The following CDH13 variants were observed in gnomAD, a reference collection of about 807,000 sequenced individuals.
The protein encoded by CDH13 is cadherin-13.
A neutral mutation model predicts 63.8 loss-of-function variants in CDH13; 24 were observed. The ratio of observed to expected loss-of-function variants is 0.38; its 90% CI spans 0.27 to 0.53. CDH13 has a LOEUF of 0.53. CDH13 is among the 20% of genes least tolerant of loss of function. CDH13 has a pLI of 0.85. For missense variants in CDH13, 1,049 were observed against 903.1 expected, an observed-to-expected ratio of 1.16 and a Z score of -2.07; for synonymous variants, 503 against 355.3, an observed-to-expected ratio of 1.42 and a Z score of -4.67.
intron 6 of CDH13, among the ~76,000 whole-genome samples, chr16:83,462,004 C>T (rs2073194298): frequency 6.6e-6 from 1 of 152,204 alleles, no homozygotes; most frequent in Non-Finnish European, 1.5e-5. Flanking sequence ...CTCCATGGCT[C>T]CAACATCCCT....
rs149758473 is a variant in CDH13 at position 83,388,949 on chromosome 16, A to G, written c.781+43943A>G. On this transcript the variant is annotated intron_variant, in intron 6 of 13. Transcript: ENST00000567109. Reference sequence around the variant, plus strand: ...GCGTTGGTCTAAAGCACAATTTTCAAACTTGGCTGATGATAGGAATGACCA... The same window carrying G: ...GCGTTGGTCTAAAGCACAATTTTCAGACTTGGCTGATGATAGGAATGACCA... Among the ~76,000 whole-genome samples the G allele has an allele frequency of 2.8e-4, 42 of 152,270 alleles. No individual in the cohort carries two copies. In the East Asian group the frequency reaches 7.7e-3, roughly 28 times the overall value.
At chr16:83,773,479 G>A (rs1597211125) in intron 11 of CDH13, among the ~76,000 whole-genome samples, 1 of 152,138 alleles carries the variant, frequency 6.6e-6, no homozygotes, top group East Asian at 1.9e-4. Flanking sequence ...AGTGCTAGCA[G>A]GTTAAATGCC....
At chr16:83,426,458 T>C (rs1187707307) in intron 6 of CDH13, among the ~76,000 whole-genome samples, 1 of 151,906 alleles carries the variant, frequency 6.6e-6, no homozygotes, top group Non-Finnish European at 1.5e-5. Context: ...GACCATAACC[T>C]TTTGTTTCTC....
Position 83,520,054 on chromosome 16 carries a change from A to C in CDH13, c.960+33399A>C, listed in dbSNP as rs551460754. ...TGATATAAATGTTCACCATTGCTAA[A>C]ACTTAAAGGACTGACAATATCAAGT... On this transcript the variant is annotated intron_variant, in intron 7 of 13. Transcript: ENST00000567109. 6.6e-5 allele frequency among the ~76,000 whole-genome samples: 10 copies of C among 152,316 alleles called. No homozygotes were observed. The South Asian group carries it at 1.5e-3, about 22-fold the overall frequency.
intron 7 of CDH13, among the ~76,000 whole-genome samples, chr16:83,537,120 A>G (rs185885440): frequency 6.6e-6 from 1 of 152,376 alleles, no homozygotes; most frequent in East Asian, 1.9e-4. Context: ...TTGAAATCAA[A>G]TTGAAATACA....
intron 2 of CDH13, among the ~76,000 whole-genome samples, chr16:83,018,006 C>G (rs1373084909): frequency 6.6e-6 from 1 of 152,166 alleles, no homozygotes; most frequent in African/African-American, 2.4e-5. Context: ...TGAAAAAACT[C>G]TCTTCTTTTT....
intron 7 of CDH13, among the ~76,000 whole-genome samples, chr16:83,563,259 G>A (rs543588315): frequency 2.0e-5 from 3 of 152,202 alleles, no homozygotes; most frequent in Non-Finnish European, 4.4e-5. Flanking sequence ...TTATGACTTT[G>A]TGCAAGATTA....
intron 2 of CDH13, chr16:82,953,945 A>G (rs1905666651): frequency 6.6e-6 from 1 of 152,184 alleles, no homozygotes; most frequent in African/African-American, 2.4e-5. Flanking sequence ...CTTCCAATAG[A>G]CCTAGGAGGA....
At chr16:83,682,121 C>A (rs1843846618) in intron 10 of CDH13, among the ~76,000 whole-genome samples, 1 of 152,146 alleles carries the variant, frequency 6.6e-6, no homozygotes, top group Admixed American at 6.5e-5. Flanking sequence ...GAGACACACA[C>A]CAAAAGAAGT....
At chr16:83,412,273 C>T (rs1211722198) in intron 6 of CDH13, among the ~76,000 whole-genome samples, 1 of 152,096 alleles carries the variant, frequency 6.6e-6, no homozygotes, top group Non-Finnish European at 1.5e-5. Flanking sequence ...ACCAGCTTGG[C>T]CAACACGGTG....
At chr16:83,411,524 T>G (rs1247097514) in intron 6 of CDH13, among the ~76,000 whole-genome samples, 1 of 152,194 alleles carries the variant, frequency 6.6e-6, no homozygotes, top group Non-Finnish European at 1.5e-5. Flanking sequence ...ATATTCAAAT[T>G]CATTCATTTA....
intron 6 of CDH13, among the ~76,000 whole-genome samples, chr16:83,425,911 A>T (rs1245613770): frequency 6.6e-6 from 1 of 152,188 alleles, no homozygotes; most frequent in Non-Finnish European, 1.5e-5. Flanking sequence ...TACAGCATTG[A>T]ACCACCCCAA....
chr16:83,514,508 G>A (rs377144676), intron 7 of CDH13, among the ~76,000 whole-genome samples: 1 of 152,198 alleles, frequency 6.6e-6, no homozygotes, highest in African/African-American at 2.4e-5. Context: ...AGCCGGGCAT[G>A]GTGGTGCTCA....
chr16:83,311,338 AAT>A (rs1204329570), intron 5 of CDH13, among the ~76,000 whole-genome samples: 2 of 152,184 alleles, frequency 1.3e-5, no homozygotes, highest in African/African-American at 2.4e-5. Context: ...AAAAAAAAAA[AAT>A]TAAAAAGTAA....
Position 83,125,428 on chromosome 16 carries a change from AG to A in CDH13, c.411del (p.Arg138GlyfsTer9). Reference protein sequence around the residue: ...FARTSPVPRQKRSIVVSPILI... With the variant: ...FARTSPVPRQXRSIVVSPILI... ...AGAACTTCTCCTGTCCCAAGACAAAAGAGGTCCATTGTGGTATCTCCCATTT... is the reference window on the plus strand; with the variant it reads ...AGAACTTCTCCTGTCCCAAGACAAAAAGGTCCATTGTGGTATCTCCCATTT... On this transcript the variant is annotated frameshift_variant, in exon 4 of 14. Coordinates refer to ENST00000567109, the MANE Select transcript of CDH13 (RefSeq NM_001257.5). LOFTEE classifies it high-confidence loss of function. 6.2e-7 allele frequency: 1 copy of A among 1,611,500 alleles called. No individual in the cohort carries two copies. The highest frequency in any genetic ancestry group is 8.5e-7 in the Non-Finnish European group (1 of 1,177,652).
At chr16:83,443,735 A>AAAGATATAT (rs2072565933) in intron 6 of CDH13, among the ~76,000 whole-genome samples, 1 of 20,124 alleles carries the variant, frequency 5.0e-5, no homozygotes, top group African/African-American at 1.2e-4. Context: ...AAAAAAAAAA[A>AAAGATATAT]ATATATATAT....
intron 2 of CDH13, among the ~76,000 whole-genome samples, chr16:82,977,477 T>C (rs1456445409): frequency 2.0e-5 from 3 of 152,174 alleles, no homozygotes; most frequent in African/African-American, 7.2e-5. Flanking sequence ...TATGAGTGAG[T>C]TCTCACGAGA....
intron 13 of CDH13, among the ~76,000 whole-genome samples, chr16:83,785,128 G>A (rs895421330): frequency 8.5e-5 from 13 of 152,186 alleles, no homozygotes; most frequent in African/African-American, 2.2e-4. Context: ...TAAACGTTGA[G>A]CAGGGGTGGT....
chr16:83,707,511 A>G (rs1477413241), intron 10 of CDH13, among the ~76,000 whole-genome samples: 1 of 152,172 alleles, frequency 6.6e-6, no homozygotes, highest in Non-Finnish European at 1.5e-5. Context: ...TAACTTAGCA[A>G]TAATATCTGT....
Sources: allele counts gnomAD v4.1 joint callset (sites outside exome capture counted in the v4.1 genomes callset), GRCh38; gene constraint gnomAD v4.1.1; transcripts MANE v1.5; gene names NCBI Gene and HGNC (gene_info 2026-07-23, HGNC 2026-07-21).